ITPK1: variants seen among roughly 807,000 people sequenced by gnomAD.
ITPK1 encodes inositol-tetrakisphosphate 1-kinase, also known as inositol 1,3,4-trisphosphate 5/6-kinase.
In ITPK1, 21 loss-of-function variants were observed where a neutral mutation model predicts 45.3. The observed-to-expected ratio is 0.46, with a 90% CI of 0.33 to 0.67. The LOEUF (loss-of-function observed/expected upper bound fraction) is 0.67, where lower values mean the gene tolerates loss of function less well. Among genes scored for constraint, ITPK1 ranks in the 30% least tolerant of loss-of-function variants. ITPK1 has a pLI of 0.02. For synonymous variants in ITPK1, 258 were observed against 253.6 expected, an observed-to-expected ratio of 1.02 and a Z score of -0.16; for missense variants, 474 against 573.5, an observed-to-expected ratio of 0.83 and a Z score of 1.77.
At chr14:92,966,217 C>G (rs1885347144) in intron 5 of ITPK1, among the ~76,000 whole-genome samples, 1 of 152,128 alleles carries the variant, frequency 6.6e-6, no homozygotes. Context: ...GTCTCAAACT[C>G]CTTGGCTCAA....
Position 92,941,431 on chromosome 14 carries a change from A to C in ITPK1, c.*130T>G. ...ATTTAGATCATGACATCAGAGAATC[A>C]GGTTAAAAATTAAAAAACAGAAGAA... On this transcript the variant is annotated 3_prime_UTR_variant, in exon 11 of 11. Coordinates refer to ENST00000267615, the MANE Select transcript of ITPK1 (RefSeq NM_014216.6). The C allele has an allele frequency of 7.1e-7, 1 of 1,418,410 alleles. No homozygotes were observed. The highest frequency in any genetic ancestry group is 9.1e-7 in the Non-Finnish European group (1 of 1,093,394). The allele number at this position is 1,418,410 out of a possible 1,614,324, so 87.9% of individuals were successfully genotyped here.
In ITPK1 at chr14:93,042,008, A is replaced by G. The variant is rs1049012553; in HGVS notation, c.121-25207T>C. 2.6e-5 allele frequency among the ~76,000 whole-genome samples: 4 copies of G among 152,162 alleles called. No homozygotes were observed. In the East Asian group the frequency reaches 7.7e-4, roughly 29 times the overall value. On this transcript the variant is annotated intron_variant, in intron 3 of 10. Coordinates refer to ENST00000267615, the MANE Select transcript of ITPK1 (RefSeq NM_014216.6). ...AATCCTAAGGGCCACCTACTAAATG[A>G]CAACAGCAGTGACCGCCTACCACAC...
Position 92,988,097 on chromosome 14 carries a change from G to A in ITPK1, c.364+5783C>T, listed in dbSNP as rs370300214. Among the ~76,000 whole-genome samples the A allele has an allele frequency of 8.5e-5, 13 of 152,298 alleles. No homozygotes were observed. The East Asian group carries it at 1.2e-3, about 14-fold the overall frequency. On this transcript the variant is annotated intron_variant, in intron 5 of 10. Coordinates refer to ENST00000267615, the MANE Select transcript of ITPK1 (RefSeq NM_014216.6). The stretch of plus-strand genomic sequence containing the variant: ...AGCCGATGTGAAAACAAAAACAGTG[G>A]TGCTCCCACACATCCCTGAAGTCCA...
intron 3 of ITPK1, among the ~76,000 whole-genome samples, chr14:93,020,276 C>A (rs1206263620): frequency 6.6e-6 from 1 of 152,214 alleles, no homozygotes; most frequent in African/African-American, 2.4e-5. Flanking sequence ...AGCCTGGTAA[C>A]CAAGCTGAGC....
intron 5 of ITPK1, among the ~76,000 whole-genome samples, chr14:92,982,218 C>T (rs1299180913): frequency 6.6e-6 from 1 of 152,220 alleles, no homozygotes; most frequent in Non-Finnish European, 1.5e-5. Flanking sequence ...ATCCCTGTGG[C>T]CGGGCAACAC....
At chr14:93,044,180 A>T (rs1016286867) in intron 3 of ITPK1, among the ~76,000 whole-genome samples, 5 of 152,226 alleles carry the variant, frequency 3.3e-5, no homozygotes, top group Admixed American at 2.0e-4. Context: ...GTAAACCATG[A>T]GGCTGGTGGT....
In ITPK1 at chr14:93,032,396, T is replaced by A. The variant is rs114334827; in HGVS notation, c.121-15595A>T. On this transcript the variant is annotated intron_variant, in intron 3 of 10. Coordinates refer to ENST00000267615, the MANE Select transcript of ITPK1 (RefSeq NM_014216.6). The surrounding 1 kb of genome is among the most constrained non-coding windows in gnomAD (Gnocchi z 4.0). Reference sequence around the variant, plus strand: ...TAAAGCATTAACAACCTTTTAAACATCACATGAAAAGGGGAAGTTCAGTAC... The same window carrying A: ...TAAAGCATTAACAACCTTTTAAACAACACATGAAAAGGGGAAGTTCAGTAC... Among the ~76,000 whole-genome samples, 1 of 152,210 alleles carries A rather than the reference T, an allele frequency of 6.6e-6. No individual in the cohort carries two copies. Among genetic ancestry groups the A allele is most frequent in the African/African-American group, 2.4e-5 (1 of 41,498 alleles).
At chr14:92,973,643 C>G (rs894194116) in intron 5 of ITPK1, among the ~76,000 whole-genome samples, 4 of 152,230 alleles carry the variant, frequency 2.6e-5, no homozygotes, top group African/African-American at 9.6e-5. Context: ...TCCAGCCTGA[C>G]AGCAGCTCTG....
chr14:93,064,522 G>A (rs1004543896), intron 3 of ITPK1, among the ~76,000 whole-genome samples: 9 of 152,088 alleles, frequency 5.9e-5, no homozygotes, highest in Non-Finnish European at 1.3e-4. Context: ...CATTCCCACC[G>A]GAACCCTGGG....
intron 5 of ITPK1, among the ~76,000 whole-genome samples, chr14:92,978,600 C>T (rs1888342736): frequency 6.6e-6 from 1 of 151,950 alleles, no homozygotes; most frequent in African/African-American, 2.4e-5. Context: ...TCCATGCAGC[C>T]TCAGGACATG....
intron 3 of ITPK1, among the ~76,000 whole-genome samples, chr14:93,025,090 C>T (rs917303870): frequency 2.0e-5 from 3 of 152,192 alleles, no homozygotes; most frequent in South Asian, 2.1e-4. Context: ...TCAACCACAA[C>T]GCCATCTCCT....
At position 92,940,602 on chromosome 14, in the gene ITPK1, G is replaced by A; in HGVS notation, c.*959C>T. The A allele has an allele frequency of 8.4e-7, 1 of 1,196,972 alleles. No homozygotes were observed. Among genetic ancestry groups the A allele is most frequent in the South Asian group, 1.5e-5 (1 of 65,940 alleles). The allele number at this position is 1,196,972 out of a possible 1,614,324, so 74.1% of individuals were successfully genotyped here. On this transcript the variant is annotated 3_prime_UTR_variant, in exon 11 of 11. Coordinates refer to ENST00000267615, the MANE Select transcript of ITPK1 (RefSeq NM_014216.6). ...CCGATCTCCATGGTGTCATGCCGAG[G>A]CTCCCGCGCCTATCCTCACCTAGGT...
intron 3 of ITPK1, among the ~76,000 whole-genome samples, chr14:93,074,780 C>T (rs191666259): frequency 9.2e-5 from 14 of 152,230 alleles, no homozygotes; most frequent in African/African-American, 3.4e-4. Context: ...TAGAAGCCAC[C>T]GCATCCTAGA....
intron 10 of ITPK1, among the ~76,000 whole-genome samples, chr14:92,943,818 T>C (rs1219861164): frequency 1.3e-5 from 2 of 152,232 alleles, no homozygotes; most frequent in African/African-American, 2.4e-5. Context: ...GGGAAACTGG[T>C]TCCCACTGCA....
At chr14:92,998,621 G>C (rs1310151812) in intron 4 of ITPK1, among the ~76,000 whole-genome samples, 2 of 152,192 alleles carry the variant, frequency 1.3e-5, no homozygotes, top group Non-Finnish European at 2.9e-5. Flanking sequence ...TGGCACCTGG[G>C]AGCACGTTGC....
intron 3 of ITPK1, among the ~76,000 whole-genome samples, chr14:93,031,078 G>C (rs1889028466): frequency 6.6e-6 from 1 of 152,124 alleles, no homozygotes; most frequent in Non-Finnish European, 1.5e-5. Flanking sequence ...AACTGGGAGG[G>C]GTGCATTTCT....
In ITPK1 at chr14:93,115,261, G is replaced by C. The variant is rs763403799; in HGVS notation, c.-98C>G. ...CGCGAGCGAGTGGGCACCTCCTCCCGGCGGCGGGGACGCGGAACGGGGATC... is the reference window on the plus strand; with the variant it reads ...CGCGAGCGAGTGGGCACCTCCTCCCCGCGGCGGGGACGCGGAACGGGGATC... On this transcript the variant is annotated 5_prime_UTR_variant, in exon 2 of 11. Transcript: ENST00000267615. 1 of 749,780 alleles carries C rather than the reference G, an allele frequency of 1.3e-6. No homozygotes were observed. Among genetic ancestry groups the C allele is most frequent in the Non-Finnish European group, 2.2e-6 (1 of 455,630 alleles). The allele number at this position is 749,780 out of a possible 1,614,324, so 46.4% of individuals were successfully genotyped here.
intron 2 of ITPK1, among the ~76,000 whole-genome samples, chr14:93,086,715 G>C (rs945662088): frequency 6.6e-6 from 1 of 152,240 alleles, no homozygotes; most frequent in African/African-American, 2.4e-5. Context: ...CCCTGGAGGG[G>C]AGGGAGAGGG....
At chr14:92,967,085 G>C (rs1885412595) in intron 5 of ITPK1, among the ~76,000 whole-genome samples, 1 of 152,218 alleles carries the variant, frequency 6.6e-6, no homozygotes, top group African/African-American at 2.4e-5. Flanking sequence ...AGGAAAAATA[G>C]AATTGGGCAT....
Sources: gnomAD v4.1 joint callset for allele counts (sites outside exome capture counted in the v4.1 genomes callset) on GRCh38, gnomAD v4.1.1 for gene constraint, Gnocchi (gnomAD v3.1) non-coding constraint, MANE v1.5 for transcripts, NCBI Gene and HGNC (gene_info 2026-07-23, HGNC 2026-07-21) for gene names.